The following MIER1 variants were observed in gnomAD, a reference collection of about 807,000 sequenced individuals.
MIER1 encodes MIER1 transcriptional regulator.
A neutral mutation model predicts 75.7 loss-of-function variants in MIER1; 40 were observed. The observed-to-expected ratio is 0.53, with a 90% confidence interval of 0.41 to 0.69. The LOEUF is 0.69. MIER1 is among the 30% of genes least tolerant of loss of function. The probability of loss-of-function intolerance (pLI) is 0.00; values close to 1 mark genes in which losing one functional copy is unlikely to be tolerated. For synonymous variants in MIER1, 213 were observed against 223.4 expected, an observed-to-expected ratio of 0.95 and a Z score of 0.42; for missense variants, 574 against 680.2, an observed-to-expected ratio of 0.84 and a Z score of 1.74.
intron 1 of MIER1, 98 bp from the exon 2 acceptor site, chr1:66,926,044 C>T: frequency 1.2e-6 from 1 of 857,442 alleles, no homozygotes. Context: ...TGTCCTGATT[C>T]CCGACCATCT....
intron 2 of MIER1, among the ~76,000 whole-genome samples, chr1:66,936,998 CAAAAAAAAAAA>C (rs751644771): frequency 1.5e-5 from 1 of 68,342 alleles, no homozygotes; most frequent in Non-Finnish European, 2.6e-5. Flanking sequence ...GACTCCATCT[CAAAAAAAAAAA>C]AAAAAAAAAA....
At chr1:66,931,896 C>T (rs1333136652) in intron 2 of MIER1, among the ~76,000 whole-genome samples, 1 of 152,060 alleles carries the variant, frequency 6.6e-6, no homozygotes, top group Non-Finnish European at 1.5e-5. Flanking sequence ...GGGTAAGCAG[C>T]AATGTGCTAC....
intron 9 of MIER1, 124 bp downstream of exon 9, chr1:66,971,083 G>A (rs1663501111): frequency 8.2e-6 from 7 of 849,510 alleles, no homozygotes; most frequent in Non-Finnish European, 1.0e-5. Context: ...GGAATCTGAG[G>A]TTATAATCCC....
At chr1:66,954,750 A>G (rs1659741486) in intron 4 of MIER1, among the ~76,000 whole-genome samples, 1 of 150,528 alleles carries the variant, frequency 6.6e-6, no homozygotes, top group South Asian at 2.1e-4. Context: ...TCTGTCACCC[A>G]GGCTGGAGTG....
At chr1:66,969,545 CAAAAAAAAAAAAAAAAAA>C (rs35924256) in intron 8 of MIER1, among the ~76,000 whole-genome samples, 2 of 63,510 alleles carry the variant, frequency 3.1e-5, no homozygotes, top group Admixed American at 2.7e-4. Flanking sequence ...ACTTCGTCTC[CAAAAAAAAAAAAAAAAAA>C]AAAAAAAAAA....
Position 66,984,994 on chromosome 1 carries a change from A to G in MIER1, c.*94A>G, listed in dbSNP as rs1666592986. 7.0e-7 allele frequency: 1 copy of G among 1,438,790 alleles called. No individual in the cohort carries two copies. The allele number at this position is 1,438,790 out of a possible 1,614,324, so 89.1% of individuals were successfully genotyped here. On this transcript the variant is annotated 3_prime_UTR_variant, in exon 14 of 14. Coordinates refer to ENST00000401041, the MANE Select transcript of MIER1 (RefSeq NM_001077700.3). ...TACCTTAAAAAGTTGATTTCCTTGA[A>G]GCAGTTTGAAAATTTGAATTGAGTC...
chr1:66,925,526 G>C, intron 1 of MIER1: 1 of 985,450 alleles, frequency 1.0e-6, no homozygotes, highest in Non-Finnish European at 1.2e-6. Flanking sequence ...TTGCACTGCA[G>C]CCTTTATGGT....
Position 66,976,599 on chromosome 1 carries a change from G to T in MIER1, c.1106G>T (p.Arg369Leu). The change falls in exon 12 of 14, where the codon CGA becomes CTA. Residue 369 changes from arginine to leucine, a missense_variant. By Grantham distance (102) the Arg-to-Leu change is moderately radical. This residue lies in a region of MIER1 where 101 missense variants were observed against 173.1 expected (regional missense o/e 0.58). Coordinates refer to ENST00000401041, the MANE Select transcript of MIER1 (RefSeq NM_001077700.3). The stretch of plus-strand genomic sequence containing the variant: ...GCAAGCATTTGTTTCTTACAGGTCC[G>T]AACAAGGTCAGTTGGTGAATGTGTA... ...DFHLIQANKV[R>L]TRSVGECVAF... 6.3e-7 allele frequency: 1 copy of T among 1,583,162 alleles called. No homozygotes were observed. The highest frequency in any genetic ancestry group is 1.2e-5 in the South Asian group (1 of 85,282).
chr1:66,956,688 G>C (rs749716566), intron 4 of MIER1, among the ~76,000 whole-genome samples: 1 of 152,160 alleles, frequency 6.6e-6, no homozygotes, highest in Non-Finnish European at 1.5e-5. Flanking sequence ...CCGCTTTTCA[G>C]GTTGTAGCTT....
At chr1:66,934,021 G>A (rs891925810) in intron 2 of MIER1, among the ~76,000 whole-genome samples, 1 of 151,914 alleles carries the variant, frequency 6.6e-6, no homozygotes, top group Non-Finnish European at 1.5e-5. Context: ...CATTGCTTGG[G>A]GCTTGTTCTG....
chr1:66,979,919 C>T (rs1665553803), intron 12 of MIER1, among the ~76,000 whole-genome samples: 1 of 152,084 alleles, frequency 6.6e-6, no homozygotes, highest in Non-Finnish European at 1.5e-5. Flanking sequence ...CATGCGCCAC[C>T]ACACCCGGCT....
At position 66,958,079 on chromosome 1, in the gene MIER1, T is replaced by C. The variant is rs1660520972; in HGVS notation, c.360T>C (p.His120=). The C allele has an allele frequency of 1.9e-6, 3 of 1,590,038 alleles. No homozygotes were observed. In the Admixed American group the frequency reaches 5.2e-5, roughly 28 times the overall value. The part of the protein sequence containing the change: ...DLAREGDMPI[H]ELLSLYGYGS... ...TTTAGGAAGGCGACATGCCAATTCA[T>C]GAACTTCTCAGCCTTTATGGTTATG... The change falls in exon 5 of 14, where the codon CAT becomes CAC. Residue 120 remains histidine (H), a synonymous_variant. Transcript: ENST00000401041.
chr1:66,979,251 ATC>A (rs1665414563), intron 12 of MIER1, among the ~76,000 whole-genome samples: 1 of 152,218 alleles, frequency 6.6e-6, no homozygotes, highest in Non-Finnish European at 1.5e-5. Flanking sequence ...TTCCATTACC[ATC>A]TCTTTCTGTT....
intron 3 of MIER1, among the ~76,000 whole-genome samples, chr1:66,943,633 T>C (rs79902240): frequency 6.6e-6 from 1 of 152,126 alleles, no homozygotes; most frequent in Non-Finnish European, 1.5e-5. Flanking sequence ...TTGCCCAGGC[T>C]TGTCCTGAAC....
At chr1:66,957,277 G>A (rs1660323522) in intron 4 of MIER1, among the ~76,000 whole-genome samples, 2 of 152,146 alleles carry the variant, frequency 1.3e-5, no homozygotes, top group African/African-American at 4.8e-5. Context: ...CGGAGGGTCT[G>A]ATTTTTGTGG....
chr1:66,976,932 G>T (rs1226799194), intron 12 of MIER1, among the ~76,000 whole-genome samples: 1 of 152,052 alleles, frequency 6.6e-6, no homozygotes, highest in Admixed American at 6.6e-5. Context: ...ACTTTTCAGT[G>T]TCTTATGAAA....
chr1:66,974,516 G>A (rs1474049082), intron 11 of MIER1, among the ~76,000 whole-genome samples: 1 of 151,780 alleles, frequency 6.6e-6, no homozygotes, highest in African/African-American at 2.4e-5. Flanking sequence ...ACCTAAGGAA[G>A]GGACCCCTGG....
intron 2 of MIER1, among the ~76,000 whole-genome samples, chr1:66,936,502 G>C (rs1387369700): frequency 2.0e-5 from 3 of 151,938 alleles, no homozygotes; most frequent in Non-Finnish European, 4.4e-5. Flanking sequence ...CAAAGTGCTA[G>C]GATTACAGGC....
intron 7 of MIER1, among the ~76,000 whole-genome samples, chr1:66,960,719 A>G (rs1661089090): frequency 6.6e-6 from 1 of 152,214 alleles, no homozygotes; most frequent in African/African-American, 2.4e-5. Context: ...AGACAAGGTT[A>G]GCCCAGTTTA....
Sources: gnomAD v4.1 joint callset for allele counts (sites outside exome capture counted in the v4.1 genomes callset) on GRCh38, gnomAD v4.1.1 for gene constraint, gnomAD v4.1.1 regional missense constraint, MANE v1.5 for transcripts, NCBI Gene and HGNC (gene_info 2026-07-23, HGNC 2026-07-21) for gene names.